MPRIP: variants seen among roughly 807,000 people sequenced by gnomAD.
MPRIP encodes the protein myosin phosphatase Rho-interacting protein.
In MPRIP, 59 loss-of-function variants were observed where a neutral mutation model predicts 234.9. The ratio of observed to expected loss-of-function variants is 0.25; its 90% CI spans 0.20 to 0.31. The LOEUF (loss-of-function observed/expected upper bound fraction) is 0.31, where lower values mean the gene tolerates loss of function less well. Among genes scored for constraint, MPRIP ranks in the 10% least tolerant of loss-of-function variants. The pLI, the probability that MPRIP is intolerant of heterozygous loss-of-function variation, is 1.00. For missense variants in MPRIP, 2,436 were observed against 3,071.0 expected (o/e 0.79, Z 4.89); for synonymous variants, 1,144 against 1,263.9 (o/e 0.91, Z 2.01).
At chr17:17,045,938 T>G (rs2088334845) in intron 1 of MPRIP, among the ~76,000 whole-genome samples, 1 of 151,950 alleles carries the variant, frequency 6.6e-6, no homozygotes, top group African/African-American at 2.4e-5. Context: ...CCCGAGTAGC[T>G]GGGACTACAG....
chr17:17,178,480 T>C (rs1327971821), intron 22 of MPRIP: 1 of 136,876 alleles, frequency 7.3e-6, no homozygotes, highest in Non-Finnish European at 1.6e-5. Flanking sequence ...AGCCCAGGAG[T>C]TCTAGGCAGT....
chr17:17,152,726 AG>A (rs2144564743), intron 12 of MPRIP, among the ~76,000 whole-genome samples: 1 of 152,350 alleles, frequency 6.6e-6, no homozygotes, highest in African/African-American at 2.4e-5. Flanking sequence ...AGAAGATGCC[AG>A]TCAGTTGTGC....
intron 1 of MPRIP, among the ~76,000 whole-genome samples, chr17:17,055,752 G>A (rs1010518408): frequency 6.6e-6 from 1 of 152,170 alleles, no homozygotes; most frequent in Admixed American, 6.5e-5. Context: ...TAGGGGGCCC[G>A]GCCAGCTAGC....
chr17:17,151,866 G>C (rs2144560708), intron 12 of MPRIP, among the ~76,000 whole-genome samples: 1 of 152,346 alleles, frequency 6.6e-6, no homozygotes, highest in African/African-American at 2.4e-5. Flanking sequence ...ATGGGGCTGG[G>C]CCCTGGCCCT....
At chr17:17,137,044 G>T (rs1378716530) in intron 6 of MPRIP, among the ~76,000 whole-genome samples, 1 of 152,176 alleles carries the variant, frequency 6.6e-6, no homozygotes, top group Non-Finnish European at 1.5e-5. Context: ...TGTCTAGATT[G>T]TTAAAAATAA....
chr17:17,100,814 C>T (rs936474336), intron 3 of MPRIP, among the ~76,000 whole-genome samples: 8 of 152,048 alleles, frequency 5.3e-5, no homozygotes, highest in Non-Finnish European at 7.4e-5. Context: ...AAATGTAATG[C>T]GCTTAAATAA....
chr17:17,121,536 T>C (rs1389983215), intron 3 of MPRIP, among the ~76,000 whole-genome samples: 6 of 152,228 alleles, frequency 3.9e-5, no homozygotes, highest in Non-Finnish European at 7.3e-5. Flanking sequence ...TTCAAGGGCA[T>C]GGGCGCAAAC....
At chr17:17,050,093 C>T (rs932024470) in intron 1 of MPRIP, among the ~76,000 whole-genome samples, 4 of 152,082 alleles carry the variant, frequency 2.6e-5, no homozygotes, top group African/African-American at 4.8e-5. Context: ...TTTGGGAGGC[C>T]GAGGCGGGTG....
intron 16 of MPRIP, among the ~76,000 whole-genome samples, chr17:17,170,479 C>T (rs903913549): frequency 3.3e-5 from 5 of 152,278 alleles, no homozygotes; most frequent in Admixed American, 6.5e-5. Context: ...GCAGTCAAGT[C>T]CAGACTGACC....
In MPRIP at chr17:17,142,684, G is replaced by A; in HGVS notation, c.1308G>A (p.Met436Ile). ...EALDIEKAEH[M>I]ETNAVGPSPS... ...TGGACATTGAGAAGGCAGAGCACAT[G>A]GAGACCAATGCAGTGGGGCCCTCAC... Residue 436 changes from methionine to isoleucine, a missense_variant, in exon 8 of 24, where the codon ATG becomes ATA. Physicochemically the swap from Met to Ile is conservative, Grantham distance 10 (BLOSUM62 1). Coordinates refer to ENST00000651222, the MANE Select transcript of MPRIP (RefSeq NM_001364716.4). The A allele has an allele frequency of 6.2e-7, 1 of 1,612,180 alleles. No homozygotes were observed. The highest frequency in any genetic ancestry group is 1.3e-5 in the African/African-American group (1 of 74,998).
At chr17:17,049,980 A>G (rs2143835763) in intron 1 of MPRIP, among the ~76,000 whole-genome samples, 1 of 152,342 alleles carries the variant, frequency 6.6e-6, no homozygotes, top group East Asian at 1.9e-4. Context: ...CGAGGTCAGG[A>G]GATCAAGACC....
chr17:17,073,243 C>T (rs1011345964), intron 1 of MPRIP, among the ~76,000 whole-genome samples: 1 of 152,106 alleles, frequency 6.6e-6, no homozygotes, highest in African/African-American at 2.4e-5. Context: ...GTGTCTGCGC[C>T]GCCCGCCCAC....
At chr17:17,104,966 G>C (rs1005315631) in intron 3 of MPRIP, among the ~76,000 whole-genome samples, 4 of 152,180 alleles carry the variant, frequency 2.6e-5, no homozygotes, top group African/African-American at 4.8e-5. Context: ...GTGGAGTTGA[G>C]AGGGGCCTTG....
chr17:17,122,020 C>A (rs1033357246), intron 3 of MPRIP, among the ~76,000 whole-genome samples: 3 of 152,190 alleles, frequency 2.0e-5, no homozygotes, highest in African/African-American at 7.2e-5. Context: ...ACATAATATT[C>A]CATGGTGTAT....
intron 3 of MPRIP, among the ~76,000 whole-genome samples, chr17:17,084,799 A>G (rs550605863): frequency 6.6e-5 from 10 of 152,364 alleles, no homozygotes; most frequent in African/African-American, 2.4e-4. Context: ...GAACCAAGCT[A>G]GCTGCAGGCC....
intron 12 of MPRIP, 61 bp downstream of exon 12, chr17:17,150,294 C>G: frequency 7.6e-7 from 1 of 1,314,774 alleles, no homozygotes; most frequent in East Asian, 2.3e-5. Flanking sequence ...TGTCAGAGTG[C>G]CTAATGTCTG....
chr17:17,155,253 G>A (rs1304551014), intron 13 of MPRIP, among the ~76,000 whole-genome samples: 1 of 149,726 alleles, frequency 6.7e-6, no homozygotes, highest in Non-Finnish European at 1.5e-5. Flanking sequence ...CTAAAAGCGT[G>A]TTCTTTTTTT....
chr17:17,056,442 T>G (rs1025928516), intron 1 of MPRIP, among the ~76,000 whole-genome samples: 3 of 151,988 alleles, frequency 2.0e-5, no homozygotes, highest in Admixed American at 6.6e-5. Context: ...TTGAATACAG[T>G]GGGGAGCAGG....
chr17:17,053,686 C>T (rs2143864095), intron 1 of MPRIP, among the ~76,000 whole-genome samples: 1 of 152,320 alleles, frequency 6.6e-6, no homozygotes, highest in East Asian at 1.9e-4. Flanking sequence ...GGGGACCTTC[C>T]ACTGTGATTT....
Sources: gnomAD v4.1 joint callset for allele counts (sites outside exome capture counted in the v4.1 genomes callset) on GRCh38, gnomAD v4.1.1 for gene constraint, MANE v1.5 for transcripts, NCBI Gene and HGNC (gene_info 2026-07-23, HGNC 2026-07-21) for gene names.